The following PARD3 variants were observed in gnomAD, a reference collection of about 807,000 sequenced individuals.
The protein encoded by PARD3 is par-3 family cell polarity regulator, also known as partitioning defective 3 homolog.
PARD3 carries 75 observed loss-of-function variants against 155.4 expected under a neutral mutation model. The observed-to-expected ratio is 0.48, with a 90% CI of 0.40 to 0.58. The LOEUF is 0.58. PARD3 is among the 20% of genes least tolerant of loss of function. The probability of loss-of-function intolerance (pLI) is 0.00; values close to 1 mark genes in which losing one functional copy is unlikely to be tolerated. For synonymous variants in PARD3, 576 were observed against 610.5 expected, an observed-to-expected ratio of 0.94 and a Z score of 0.83; for missense variants, 1,642 against 1,721.7, an observed-to-expected ratio of 0.95 and a Z score of 0.82.
Position 34,377,844 on chromosome 10 carries a change from G to A in PARD3, c.1539+123C>T, listed in dbSNP as rs964494012. The A allele has an allele frequency of 1.7e-5, 10 of 583,776 alleles. No homozygotes were observed. The East Asian group carries it at 2.8e-4, about 16-fold the overall frequency. 36.2% of individuals were successfully genotyped at this position (583,776 alleles called of 1,614,324 possible). ...ATAAAACAGAAACACATTTTGTGAC[G>A]CATACTTCCGCTAAAATGTATATAA... On this transcript the variant is annotated intron_variant, in intron 10 of 24. Transcript: ENST00000374788.
intron 1 of PARD3, among the ~76,000 whole-genome samples, chr10:34,744,715 A>G (rs1333630453): frequency 6.6e-6 from 1 of 152,286 alleles, no homozygotes; most frequent in African/African-American, 2.4e-5. Flanking sequence ...CCAAAATCTC[A>G]GTAGTCAAGA....
rs1281912561 is a variant in PARD3, at chr10:34,255,757, G to A, written c.3419+13900C>T. Among the ~76,000 whole-genome samples the A allele has an allele frequency of 2.6e-5, 4 of 152,158 alleles. No individual in the cohort carries two copies. In the South Asian group the frequency reaches 8.3e-4, roughly 32 times the overall value. On this transcript the variant is annotated intron_variant, in intron 22 of 24. Coordinates refer to ENST00000374788, the MANE Select transcript of PARD3 (RefSeq NM_001184785.2). ...TATTTTCACAATTCCAGAATTATATGAAGTCAACATGAAACTAAAGCAGTA... is the reference window on the plus strand; with the variant it reads ...TATTTTCACAATTCCAGAATTATATAAAGTCAACATGAAACTAAAGCAGTA...
At chr10:34,125,549 G>C (rs918886416) in intron 23 of PARD3, among the ~76,000 whole-genome samples, 2 of 152,218 alleles carry the variant, frequency 1.3e-5, no homozygotes, top group African/African-American at 4.8e-5. Flanking sequence ...ACCATTTTCT[G>C]AAATTGCCCA....
intron 1 of PARD3, among the ~76,000 whole-genome samples, chr10:34,733,798 C>T (rs1035692207): frequency 6.6e-6 from 1 of 152,194 alleles, no homozygotes; most frequent in Non-Finnish European, 1.5e-5. Flanking sequence ...CCGCACCCTG[C>T]CATGGTTAGA....
Position 34,359,129 on chromosome 10 carries a change from C to A in PARD3, c.2067+18G>T. The A allele has an allele frequency of 6.2e-7, 1 of 1,601,082 alleles. No individual in the cohort carries two copies. On this transcript the variant is annotated intron_variant, in intron 14 of 24. Transcript: ENST00000374788. ...TTATTTACAATTTTAGATACTAGCA[C>A]TTTTTTGCATTTCTTACCTCATTGC...
chr10:34,711,818 G>A (rs553944951), intron 1 of PARD3, among the ~76,000 whole-genome samples: 1 of 152,248 alleles, frequency 6.6e-6, no homozygotes, highest in African/African-American at 2.4e-5. Flanking sequence ...GACATGCCAG[G>A]CCATGTCAGG....
At chr10:34,245,298 T>C (rs548573354) in intron 22 of PARD3, among the ~76,000 whole-genome samples, 2 of 152,300 alleles carry the variant, frequency 1.3e-5, no homozygotes, top group African/African-American at 2.4e-5. Context: ...AGGAAAATGC[T>C]TGACGCAATA....
At chr10:34,287,370 T>C (rs530103974) in intron 20 of PARD3, among the ~76,000 whole-genome samples, 2 of 152,298 alleles carry the variant, frequency 1.3e-5, no homozygotes, top group African/African-American at 4.8e-5. Context: ...TTTTAAGACA[T>C]TGTGCTGGCT....
chr10:34,610,911 G>A (rs974216323), intron 2 of PARD3, among the ~76,000 whole-genome samples: 1 of 152,056 alleles, frequency 6.6e-6, no homozygotes, highest in Non-Finnish European at 1.5e-5. Context: ...GAGGTGGGGG[G>A]GAGTTTGAAA....
chr10:34,772,261 A>T (rs989042599), intron 1 of PARD3, among the ~76,000 whole-genome samples: 1 of 151,152 alleles, frequency 6.6e-6, no homozygotes, highest in African/African-American at 2.4e-5. Context: ...CGTCTCTACT[A>T]AAAATACAAA....
rs139027861 is a variant in PARD3, at chr10:34,286,831, AGGCTAT to A, written c.3066-2592_3066-2587del. 2.5e-3 allele frequency among the ~76,000 whole-genome samples: 386 copies of A among 152,292 alleles called. 2 individuals are homozygous for A. The highest frequency in any genetic ancestry group is 8.9e-3 in the African/African-American group (371 of 41,558). On this transcript the variant is annotated intron_variant, in intron 20 of 24. Coordinates refer to ENST00000374788, the MANE Select transcript of PARD3 (RefSeq NM_001184785.2). ...GGTGAAACCAGGGAGAACGGTCAGG[AGGCTAT>A]GGTGATGAACCAGCTGGTAATGGAG...
At chr10:34,173,284 T>C (rs1158317549) in intron 22 of PARD3, among the ~76,000 whole-genome samples, 1 of 152,206 alleles carries the variant, frequency 6.6e-6, no homozygotes, top group Non-Finnish European at 1.5e-5. Context: ...CCTCAGCTTG[T>C]AATATTTCAA....
chr10:34,301,558 C>T (rs543583202), intron 20 of PARD3, among the ~76,000 whole-genome samples: 1 of 152,186 alleles, frequency 6.6e-6, no homozygotes, highest in Admixed American at 6.5e-5. Context: ...CTTCCCAGAC[C>T]ATCTGTTCAC....
In PARD3 at chr10:34,623,240, G is replaced by A. The variant is rs573892814; in HGVS notation, c.222+73078C>T. Among the ~76,000 whole-genome samples the A allele has an allele frequency of 2.0e-5, 3 of 152,274 alleles. No homozygotes were observed. In the East Asian group the frequency reaches 5.8e-4, roughly 29 times the overall value. On this transcript the variant is annotated intron_variant, in intron 2 of 24. Transcript: ENST00000374788. Reference sequence around the variant, plus strand: ...ACAAGAGAAGCCCAGGAACACCACCGAAGGCTGTTCCCACCCATGAAGGAC... The same window carrying A: ...ACAAGAGAAGCCCAGGAACACCACCAAAGGCTGTTCCCACCCATGAAGGAC...
chr10:34,386,635 C>G (rs1842373039), intron 7 of PARD3, among the ~76,000 whole-genome samples: 1 of 151,866 alleles, frequency 6.6e-6, no homozygotes, highest in South Asian at 2.1e-4. Flanking sequence ...CCAGACTGAC[C>G]AATATGGAGA....
chr10:34,283,089 A>G (rs971036132), intron 21 of PARD3, among the ~76,000 whole-genome samples: 4 of 152,140 alleles, frequency 2.6e-5, no homozygotes, highest in Non-Finnish European at 5.9e-5. Flanking sequence ...GATGAATGAA[A>G]AAATACCCAA....
intron 22 of PARD3, among the ~76,000 whole-genome samples, chr10:34,184,021 T>C (rs1256521629): frequency 2.0e-5 from 3 of 152,186 alleles, no homozygotes; most frequent in Non-Finnish European, 4.4e-5. Context: ...TTCTGCTGTG[T>C]TGCCCAGGCT....
chr10:34,248,191 G>A (rs1954081022), intron 22 of PARD3, among the ~76,000 whole-genome samples: 1 of 152,132 alleles, frequency 6.6e-6, no homozygotes. Flanking sequence ...AACTTTCATG[G>A]TTCACTGGCA....
intron 2 of PARD3, among the ~76,000 whole-genome samples, chr10:34,673,637 G>A (rs1030867139): frequency 5.3e-5 from 8 of 152,278 alleles, no homozygotes; most frequent in Admixed American, 4.6e-4. Context: ...TTTCTGCTAC[G>A]ATTAGGAAAC....
Sources: gnomAD v4.1 joint callset for allele counts (sites outside exome capture counted in the v4.1 genomes callset) on GRCh38, gnomAD v4.1.1 for gene constraint, MANE v1.5 for transcripts, NCBI Gene and HGNC (gene_info 2026-07-23, HGNC 2026-07-21) for gene names.